Variants in MGAT4C observed in about 807,000 individuals in gnomAD.
MGAT4C encodes the protein MGAT4 family member C, also known as alpha-1,3-mannosyl-glycoprotein 4-beta-N-acetylglucosaminyltransferase C.
A neutral mutation model predicts 40.1 loss-of-function variants in MGAT4C; 19 were observed. The ratio of observed to expected loss-of-function variants is 0.47; its 90% confidence interval spans 0.33 to 0.70. The LOEUF is 0.70. MGAT4C is among the 30% of genes least tolerant of loss of function. The pLI, the probability that MGAT4C is intolerant of heterozygous loss-of-function variation, is 0.02. For missense variants in MGAT4C, 491 were observed against 563.2 expected (o/e 0.87, Z 1.30); for synonymous variants, 181 against 187.1 (o/e 0.97, Z 0.27).
At chr12:86,713,628 A>T (rs1950596654) in intron 2 of MGAT4C, among the ~76,000 whole-genome samples, 1 of 152,260 alleles carries the variant, frequency 6.6e-6, no homozygotes, top group East Asian at 1.9e-4. Context: ...ATGCAAAAAC[A>T]TTAGCTAAAC....
chr12:86,414,506 T>A (rs867819394), intron 3 of MGAT4C, among the ~76,000 whole-genome samples: 2 of 152,156 alleles, frequency 1.3e-5, no homozygotes, highest in Admixed American at 1.3e-4. Context: ...TTTATTGATT[T>A]AGACAATATA....
chr12:86,200,403 A>G (rs1469823407), intron 1 of MGAT4C, among the ~76,000 whole-genome samples: 1 of 152,080 alleles, frequency 6.6e-6, no homozygotes, highest in African/African-American at 2.4e-5. Flanking sequence ...ACCTAGCTGC[A>G]TTATGGTGCT....
At chr12:86,138,924 T>C (rs1329312762) in intron 1 of MGAT4C, among the ~76,000 whole-genome samples, 1 of 151,884 alleles carries the variant, frequency 6.6e-6, no homozygotes, top group Non-Finnish European at 1.5e-5. Flanking sequence ...TAGACAATAA[T>C]ATCCTGTGCA....
At chr12:86,607,440 G>A (rs190276503) in intron 2 of MGAT4C, among the ~76,000 whole-genome samples, 1 of 152,018 alleles carries the variant, frequency 6.6e-6, no homozygotes, top group Non-Finnish European at 1.5e-5. Context: ...TATAAAAAAT[G>A]TATAGTAATT....
chr12:86,412,292 T>C (rs1002156265), intron 3 of MGAT4C, among the ~76,000 whole-genome samples: 3 of 152,154 alleles, frequency 2.0e-5, no homozygotes, highest in Non-Finnish European at 4.4e-5. Context: ...GCTTGCACCA[T>C]GCACCTGGAA....
intron 4 of MGAT4C, among the ~76,000 whole-genome samples, chr12:86,289,866 T>C (rs892583411): frequency 2.6e-5 from 4 of 152,198 alleles, no homozygotes; most frequent in African/African-American, 7.2e-5. Context: ...TCATAGATCA[T>C]AGTCTCCTTT....
chr12:85,979,728 T>A lies in MGAT4C; in HGVS notation c.998A>T (p.Glu333Val). The A allele has an allele frequency of 6.2e-7, 1 of 1,613,510 alleles. No individual in the cohort carries two copies. Among genetic ancestry groups the A allele is most frequent in the Non-Finnish European group, 8.5e-7 (1 of 1,179,778 alleles). ...GGGGTTATCAGGAATGTCAAATGAC[T>A]CCTCTTCAAAATCATCATCCTTCAG... ...NKLKDDDFEE[E>V]SFDIPDNPPA... Residue 333 changes from glutamate (E) to valine (V), a missense_variant, in exon 5 of 5, where the codon GAG becomes GTG. Physicochemically the swap from Glu to Val is moderately radical, Grantham distance 121. Coordinates refer to ENST00000611864, the MANE Select transcript of MGAT4C (RefSeq NM_001351288.2).
At chr12:86,536,045 T>C (rs1959062367) in intron 2 of MGAT4C, among the ~76,000 whole-genome samples, 1 of 152,098 alleles carries the variant, frequency 6.6e-6, no homozygotes, top group Non-Finnish European at 1.5e-5. Flanking sequence ...TAAAAGATAA[T>C]AATGAGTACA....
At chr12:86,232,084 G>T (rs532996573) in intron 1 of MGAT4C, among the ~76,000 whole-genome samples, 1 of 150,048 alleles carries the variant, frequency 6.7e-6, no homozygotes, top group Non-Finnish European at 1.5e-5. Context: ...CGAGTGAGCC[G>T]AGGTAGCGCC....
At chr12:86,322,020 AC>A (rs1954402328) in intron 4 of MGAT4C, among the ~76,000 whole-genome samples, 1 of 152,088 alleles carries the variant, frequency 6.6e-6, no homozygotes, top group Non-Finnish European at 1.5e-5. Flanking sequence ...TGGCACATAT[AC>A]ACCATGGAAT....
At chr12:86,170,192 T>G (rs1400997816) in intron 1 of MGAT4C, among the ~76,000 whole-genome samples, 1 of 152,218 alleles carries the variant, frequency 6.6e-6, no homozygotes. Context: ...CCACTTTTAG[T>G]GCTGAGACTG....
At chr12:86,610,902 G>T (rs1050209594) in intron 2 of MGAT4C, among the ~76,000 whole-genome samples, 13 of 152,112 alleles carry the variant, frequency 8.5e-5, no homozygotes, top group Admixed American at 6.6e-4. Context: ...AAAGAAGAAA[G>T]AATGCAGAGC....
intron 1 of MGAT4C, among the ~76,000 whole-genome samples, chr12:86,091,160 T>C (rs1872809826): frequency 6.6e-6 from 1 of 151,862 alleles, no homozygotes; most frequent in Non-Finnish European, 1.5e-5. Flanking sequence ...TATTTTAAAA[T>C]AAAAAAATGT....
chr12:86,531,327 A>C (rs1181083363), intron 2 of MGAT4C, among the ~76,000 whole-genome samples: 9 of 152,068 alleles, frequency 5.9e-5, no homozygotes, highest in Admixed American at 5.9e-4. Context: ...GAAACCACTT[A>C]TAGACTTCAC....
intron 3 of MGAT4C, among the ~76,000 whole-genome samples, chr12:86,334,501 T>C (rs1954742025): frequency 6.6e-6 from 1 of 152,152 alleles, no homozygotes; most frequent in Admixed American, 6.6e-5. Flanking sequence ...ATATGATCAA[T>C]TTAGCTAAAT....
At chr12:86,563,724 C>T (rs548989651) in intron 2 of MGAT4C, among the ~76,000 whole-genome samples, 3 of 152,288 alleles carry the variant, frequency 2.0e-5, no homozygotes, top group African/African-American at 7.2e-5. Context: ...GACACTGGCT[C>T]TAAGTTATTG....
At position 86,178,791 on chromosome 12, in the gene MGAT4C, T is replaced by G. The variant is rs541267939; in HGVS notation, c.-57+77448A>C. 3.0e-3 allele frequency among the ~76,000 whole-genome samples: 454 copies of G among 152,284 alleles called. 2 individuals carry two copies. Among genetic ancestry groups the G allele is most frequent in the African/African-American group, 0.01 (433 of 41,556 alleles). ...TTCATTATCAGTCATGTCCTCAGCT[T>G]TTTAATTTTTTGGCCAGTATGTTTC... is the stretch of plus-strand genomic sequence containing the variant. On this transcript the variant is annotated intron_variant, in intron 1 of 4. Transcript: ENST00000611864.
In MGAT4C at chr12:86,462,516, T is replaced by C. The variant is rs145010547; in HGVS notation, c.-228-27251A>G. Among the ~76,000 whole-genome samples the C allele has an allele frequency of 4.7e-3, 721 of 152,262 alleles. 3 individuals are homozygous for C. Among genetic ancestry groups the C allele is most frequent in the African/African-American group, 0.017 (691 of 41,554 alleles). On this transcript the variant is annotated intron_variant, in intron 2 of 7. Transcript: ENST00000548651. ...AAGGACAGAACTAATAGGATAGATG[T>C]ATATATAAAGGGGAGTTTATTAAGG...
intron 1 of MGAT4C, among the ~76,000 whole-genome samples, chr12:86,155,109 G>A (rs1306137968): frequency 4.6e-5 from 7 of 152,128 alleles, no homozygotes; most frequent in East Asian, 1.9e-4. Context: ...TGAGAATTAC[G>A]GGAAGAGGGA....
Sources: gnomAD v4.1 joint callset for allele counts (sites outside exome capture counted in the v4.1 genomes callset) on GRCh38, gnomAD v4.1.1 for gene constraint, MANE v1.5 for transcripts, NCBI Gene and HGNC (gene_info 2026-07-23, HGNC 2026-07-21) for gene names.